The following FGF13 variants were observed in gnomAD, a reference collection of about 807,000 sequenced individuals.
The protein encoded by FGF13 is fibroblast growth factor homologous factor 2.
In FGF13, 2 loss-of-function variants were observed where a neutral mutation model predicts 19.5. That is an observed-to-expected ratio of 0.10 (90% CI 0.04 to 0.32). The LOEUF (loss-of-function observed/expected upper bound fraction) is 0.32. FGF13 is among the 10% of genes least tolerant of loss of function. The pLI, the probability that FGF13 is intolerant of heterozygous loss-of-function variation, is 1.00. For missense variants in FGF13, 113 were observed against 192.7 expected (o/e 0.59, Z 2.45); for synonymous variants, 72 against 76.9 (o/e 0.94, Z 0.33).
intron 3 of FGF13, among the ~76,000 whole-genome samples, chrX:138,661,810 T>G (rs1239875371): frequency 9.0e-6 from 1 of 111,609 alleles, no homozygotes; most frequent in African/African-American, 3.3e-5. Flanking sequence ...TTTGTTTTAT[T>G]TCGTTTGATA....
At chrX:139,130,902 C>A (rs1023611601) in intron 1 of FGF13, among the ~76,000 whole-genome samples, 1 of 111,195 alleles carries the variant, frequency 9.0e-6, no homozygotes, top group Admixed American at 9.6e-5. Context: ...ATTACGTTTT[C>A]GTATTAATAT....
intron 3 of FGF13, among the ~76,000 whole-genome samples, chrX:138,799,649 T>G (rs2090811974): frequency 9.0e-6 from 1 of 111,272 alleles, no homozygotes; most frequent in African/African-American, 3.3e-5. Context: ...TGTCTAATAT[T>G]GACAATGGGG....
intron 1 of FGF13, among the ~76,000 whole-genome samples, chrX:138,731,229 G>A (rs868509861): frequency 2.7e-5 from 3 of 110,813 alleles, no homozygotes; most frequent in Non-Finnish European, 5.7e-5. Context: ...TGATATAAAC[G>A]TATAGAACTG....
chrX:139,005,015 C>T (rs780140977), intron 1 of FGF13, among the ~76,000 whole-genome samples: 15 of 112,152 alleles, frequency 1.3e-4, no homozygotes, highest in African/African-American at 4.2e-4. Flanking sequence ...AAGGGAAGGA[C>T]GCAAGCCTGG....
intron 1 of FGF13, among the ~76,000 whole-genome samples, chrX:139,176,381 T>A (rs1040035344): frequency 1.1e-5 from 1 of 93,705 alleles, no homozygotes; most frequent in Non-Finnish European, 2.1e-5. Flanking sequence ...TTTTGAAGGG[T>A]TTTTTTTTTT....
chrX:138,796,160 C>T (rs1031482124), intron 3 of FGF13, among the ~76,000 whole-genome samples: 1 of 109,927 alleles, frequency 9.1e-6, no homozygotes, highest in Non-Finnish European at 1.9e-5. Context: ...CCTATCAATC[C>T]GTCATCTAGG....
upstream of FGF13, among the ~76,000 whole-genome samples, chrX:138,715,506 T>C (rs2090092933): frequency 8.9e-6 from 1 of 112,635 alleles, no homozygotes; most frequent in African/African-American, 3.2e-5. Context: ...ATCTGTTTTA[T>C]ATAGTGGAGC....
At chrX:139,046,142 C>T (rs1202809112) in intron 1 of FGF13, among the ~76,000 whole-genome samples, 1 of 105,066 alleles carries the variant, frequency 9.5e-6, no homozygotes, top group Non-Finnish European at 2.0e-5. Context: ...TTGGCTTCTA[C>T]GGGGGCCTCA....
At position 138,807,260 on chromosome X, in the gene FGF13, A is replaced by C. The variant is rs143677160; in HGVS notation, c.217+50252T>G. On this transcript the variant is annotated intron_variant, in intron 3 of 6. Coordinates refer to the FGF13 transcript ENST00000436198. The stretch of plus-strand genomic sequence containing the variant: ...TTTACGTTTTACAACAGCAAATTTC[A>C]GTTTATGTAACTGAAACACTATGTG... Among the ~76,000 whole-genome samples the C allele has an allele frequency of 6.1e-3, 680 of 112,278 alleles. 8 individuals carry two copies. The highest frequency in any genetic ancestry group is 0.021 in the African/African-American group (648 of 30,935).
chrX:139,035,167 G>A (rs1471852454), intron 1 of FGF13, among the ~76,000 whole-genome samples: 1 of 111,307 alleles, frequency 9.0e-6, no homozygotes, highest in African/African-American at 3.3e-5. Flanking sequence ...AAAGAAATTA[G>A]GAGGAAGAGT....
chrX:138,905,953 A>G (rs1442049830), intron 1 of FGF13, among the ~76,000 whole-genome samples: 3 of 111,747 alleles, frequency 2.7e-5, no homozygotes, highest in Non-Finnish European at 5.6e-5. Flanking sequence ...TGGAGTTTAT[A>G]ATGACAAGTC....
At chrX:138,949,049 G>A (rs1215957372) in intron 1 of FGF13, among the ~76,000 whole-genome samples, 1 of 111,601 alleles carries the variant, frequency 9.0e-6, no homozygotes, top group African/African-American at 3.3e-5. Flanking sequence ...CAGGATTACA[G>A]CCAAAAATTC....
intron 3 of FGF13, among the ~76,000 whole-genome samples, chrX:138,761,326 A>T (rs938298252): frequency 3.1e-4 from 35 of 111,227 alleles, no homozygotes; most frequent in Admixed American, 1.2e-3. Flanking sequence ...CACAGACACA[A>T]TTTTTTACTC....
At chrX:138,875,719 T>A (rs1320492335) in intron 1 of FGF13, among the ~76,000 whole-genome samples, 1 of 111,193 alleles carries the variant, frequency 9.0e-6, no homozygotes, top group African/African-American at 3.3e-5. Context: ...AAGAAATAAT[T>A]CTTCATGCCT....
chrX:139,198,563 G>C lies in FGF13; in HGVS notation c.-113+4853C>G, dbSNP rs1441356770. ...AATCAATGCTAAAAGTAATTTCAAAGGGCAGAGGCAAGATCAGCCATGAGA... is the reference window on the plus strand; with the variant it reads ...AATCAATGCTAAAAGTAATTTCAAACGGCAGAGGCAAGATCAGCCATGAGA... On this transcript the variant is annotated intron_variant, in intron 1 of 2. Coordinates refer to the FGF13 transcript ENST00000421460. Among the ~76,000 whole-genome samples the C allele has an allele frequency of 3.6e-5, 4 of 112,111 alleles. No homozygotes were observed. The East Asian group carries it at 1.1e-3, about 31-fold the overall frequency.
At chrX:139,115,028 C>A (rs1296841759) in intron 1 of FGF13, among the ~76,000 whole-genome samples, 2 of 111,635 alleles carry the variant, frequency 1.8e-5, no homozygotes, top group East Asian at 5.7e-4. Context: ...ATCATAAGTC[C>A]TTCTTTTATG....
At chrX:139,129,585 C>T in intron 1 of FGF13, among the ~76,000 whole-genome samples, 1 of 111,399 alleles carries the variant, frequency 9.0e-6, no homozygotes, top group East Asian at 2.8e-4. Context: ...TCTGAAAAGA[C>T]CCAAAGCAGC....
chrX:139,204,339 G>A, upstream of FGF13: 1 of 311,269 alleles, frequency 3.2e-6, no homozygotes, highest in Non-Finnish European at 5.5e-6. Flanking sequence ...CCGCCGCCGC[G>A]ATCCCGAGCG....
chrX:138,737,790 T>A (rs757590421), intron 1 of FGF13, among the ~76,000 whole-genome samples: 2 of 112,139 alleles, frequency 1.8e-5, no homozygotes, highest in African/African-American at 6.5e-5. Flanking sequence ...ATATACTGTA[T>A]CCTGAGTAAA....
Sources: allele counts gnomAD v4.1 joint callset (sites outside exome capture counted in the v4.1 genomes callset), GRCh38; gene constraint gnomAD v4.1.1; transcripts MANE v1.5; gene names NCBI Gene and HGNC (gene_info 2026-07-23, HGNC 2026-07-21).